Variants in SCARF2 observed in about 807,000 individuals in gnomAD.
SCARF2 encodes scavenger receptor class F member 2.
In SCARF2, 39 loss-of-function variants were observed where a neutral mutation model predicts 73.4. The observed-to-expected ratio is 0.53, with a 90% CI of 0.41 to 0.69. The LOEUF (loss-of-function observed/expected upper bound fraction) is 0.69. SCARF2 is among the 30% of genes least tolerant of loss of function. SCARF2 has a pLI of 0.00. For missense variants in SCARF2, 1,148 were observed against 1,303.5 expected (o/e 0.88, Z 1.84); for synonymous variants, 605 against 590.0 (o/e 1.03, Z -0.37).
At chr22:20,426,321 A>G in intron 10 of SCARF2, 39 bp from the exon 11 acceptor site, 1 of 1,529,760 alleles carries the variant, frequency 6.5e-7, no homozygotes, top group East Asian at 2.5e-5. Flanking sequence ...GCCTTCAGGA[A>G]TACCTTTAGG....
chr22:20,426,652 T>C (rs750036453), intron 10 of SCARF2, among the ~76,000 whole-genome samples: 18 of 152,228 alleles, frequency 1.2e-4, no homozygotes, highest in Non-Finnish European at 2.4e-4. Context: ...AGAAGGCTTC[T>C]AGCTGGGCGT....
At chr22:20,432,035 C>T (rs1298612804) in intron 1 of SCARF2, 47 bp from the exon 2 acceptor site, 1 of 1,571,668 alleles carries the variant, frequency 6.4e-7, no homozygotes, top group Non-Finnish European at 8.6e-7. Context: ...CTCCCCCAGC[C>T]CCCATCTGCT....
intron 6 of SCARF2, among the ~76,000 whole-genome samples, chr22:20,430,100 G>A (rs2052625632): frequency 6.6e-6 from 1 of 152,204 alleles, no homozygotes; most frequent in Non-Finnish European, 1.5e-5. Context: ...CCACTGCTGG[G>A]GCTGACTCGG....
chr22:20,427,654 C>T, intron 9 of SCARF2, 104 bp from the exon 10 acceptor site: 1 of 1,391,276 alleles, frequency 7.2e-7, no homozygotes, highest in Non-Finnish European at 9.9e-7. Context: ...CAAGACCAGC[C>T]CTATTCTTGG....
Position 20,437,572 on chromosome 22 carries a change from C to T in SCARF2, c.173+10G>A, listed in dbSNP as rs374889002. Reference sequence around the variant, plus strand: ...CTCTCGCCCCCTCCCCCAGCCAGGCCGGCTCCTACCCGGGAGCACGGCACA... The same window carrying T: ...CTCTCGCCCCCTCCCCCAGCCAGGCTGGCTCCTACCCGGGAGCACGGCACA... On this transcript the variant is annotated intron_variant, in intron 1 of 10. Transcript: ENST00000622235. 9 of 1,571,244 alleles carry T rather than the reference C, an allele frequency of 5.7e-6. No individual in the cohort carries two copies. The highest frequency in any genetic ancestry group is 7.7e-6 in the Non-Finnish European group (9 of 1,166,456).
At chr22:20,436,818 G>A (rs1277643791) in intron 1 of SCARF2, among the ~76,000 whole-genome samples, 1 of 152,110 alleles carries the variant, frequency 6.6e-6, no homozygotes, top group Non-Finnish European at 1.5e-5. Flanking sequence ...GGCGTCCGGG[G>A]CTCACCTCTC....
chr22:20,433,152 G>A (rs2052665695), intron 1 of SCARF2, among the ~76,000 whole-genome samples: 1 of 152,206 alleles, frequency 6.6e-6, no homozygotes, highest in Admixed American at 6.5e-5. Context: ...AGGTTTGGAG[G>A]CCCTGCCTGA....
At chr22:20,430,956 C>T (rs948675827) in intron 4 of SCARF2, 48 bp from the exon 5 acceptor site, 4 of 1,564,664 alleles carry the variant, frequency 2.6e-6, no homozygotes, top group Non-Finnish European at 2.6e-6. Context: ...CGCCTCACCC[C>T]TGTCCCCATC....
Position 20,425,431 on chromosome 22 carries a change from T to C in SCARF2, c.2545A>G (p.Lys849Glu). The change falls in exon 11 of 11, where the codon AAG (lysine) becomes GAG (glutamate). Residue 849 changes from lysine to glutamate, a missense_variant. By Grantham distance (56) the Lys-to-Glu change is moderately conservative. Around this residue, in one of 5 missense-constraint regions of SCARF2, gnomAD observed 169 missense variants for 136.9 expected, o/e 1.23. Coordinates refer to ENST00000622235, the MANE Select transcript of SCARF2 (RefSeq NM_182895.5). This position sits in a 1 kb window ranked among gnomAD's most constrained non-coding sequence, Gnocchi z 4.6. ...KKTPIQKPPR[K>E]KSREAAGELG... ...TCGCCCGCCGCCTCCCGGCTCTTCT[T>C]GCGCGGCGGCTTCTGGATGGGGGTC... 7.0e-7 allele frequency: 1 copy of C among 1,429,302 alleles called. No individual in the cohort carries two copies. The highest frequency in any genetic ancestry group is 9.2e-7 in the Non-Finnish European group (1 of 1,089,406). 88.5% of individuals were successfully genotyped at this position (1,429,302 alleles called of 1,614,324 possible). A position where few individuals can be genotyped will look rare whatever the true frequency, so the allele number is the denominator to read the frequency against.
chr22:20,425,694 C>T lies in SCARF2; in HGVS notation c.2282G>A (p.Arg761Gln). 1 of 1,232,518 alleles carries T rather than the reference C, an allele frequency of 8.1e-7. No individual in the cohort carries two copies. The highest frequency in any genetic ancestry group is 1.0e-6 in the Non-Finnish European group (1 of 989,868). 76.3% of individuals were successfully genotyped at this position (1,232,518 alleles called of 1,614,324 possible). A position where few individuals can be genotyped will look rare whatever the true frequency, so the allele number is the denominator to read the frequency against. The change falls in exon 11 of 11, where the codon CGA (arginine) becomes CAA (glutamine). Residue 761 changes from arginine (R) to glutamine (Q), a missense_variant. Physicochemically the swap from Arg to Gln is conservative, Grantham distance 43. Coordinates refer to ENST00000622235, the MANE Select transcript of SCARF2 (RefSeq NM_182895.5). The surrounding 1 kb of genome is among the most constrained non-coding windows in gnomAD (Gnocchi z 4.6). ...LEPTDAGGPPRSAPEAASMLA... is the reference protein window; with the variant it reads ...LEPTDAGGPPQSAPEAASMLA... Reference sequence around the variant, plus strand: ...CATGGAGGCAGCCTCGGGCGCGCTTCGCGGGGGACCGCCGGCGTCCGTGGG... The same window carrying T: ...CATGGAGGCAGCCTCGGGCGCGCTTTGCGGGGGACCGCCGGCGTCCGTGGG...
At chr22:20,436,475 G>A (rs921068729) in intron 1 of SCARF2, among the ~76,000 whole-genome samples, 2 of 152,038 alleles carry the variant, frequency 1.3e-5, no homozygotes, top group African/African-American at 4.8e-5. Context: ...GGCGGGCCAG[G>A]CCGGCCCCCG....
chr22:20,436,225 T>G (rs1179546547), intron 1 of SCARF2, among the ~76,000 whole-genome samples: 1 of 151,816 alleles, frequency 6.6e-6, no homozygotes, highest in Non-Finnish European at 1.5e-5. Context: ...TCCTGGGAGG[T>G]CTGCAGACCA....
Position 20,425,567 on chromosome 22 carries a change from G to T in SCARF2, c.2409C>A (p.Ala803=). ...PREKPAPPQK[A]KRSVPPASPA... is the part of the protein sequence containing the mutation. ...GCGAGGCTGGCGGCACGGAGCGCTT[G>T]GCTTTCTGTGGGGGCGCCGGCTTTT... The change falls in exon 11 of 11, where the codon GCC becomes GCA. Residue 803 remains alanine, a synonymous_variant. Transcript: ENST00000622235. The surrounding 1 kb of genome is among the most constrained non-coding windows in gnomAD (Gnocchi z 4.6). The T allele has an allele frequency of 7.4e-7, 1 of 1,342,376 alleles. No individual in the cohort carries two copies. The highest frequency in any genetic ancestry group is 9.5e-7 in the Non-Finnish European group (1 of 1,051,262). The allele number at this position is 1,342,376 out of a possible 1,614,324, so 83.2% of individuals were successfully genotyped here.
In SCARF2 at chr22:20,434,758, T is replaced by G. The variant is rs371342812; in HGVS notation, c.174-2770A>C. Among the ~76,000 whole-genome samples, 5 of 152,306 alleles carry G rather than the reference T, an allele frequency of 3.3e-5. No individual in the cohort carries two copies. The East Asian group carries it at 9.7e-4, about 29-fold the overall frequency. On this transcript the variant is annotated intron_variant, in intron 1 of 10. Transcript: ENST00000622235. The stretch of plus-strand genomic sequence containing the variant: ...AGGCTTCTCCCTCGTAGAGCATTAG[T>G]TCTGTGATTCAAACCCACTGTGAGT...
chr22:20,435,346 T>C (rs1231040232), intron 1 of SCARF2, among the ~76,000 whole-genome samples: 2 of 152,118 alleles, frequency 1.3e-5, no homozygotes, highest in African/African-American at 4.8e-5. Flanking sequence ...CCACCCTCCA[T>C]CTCCCTGGCT....
intron 1 of SCARF2, among the ~76,000 whole-genome samples, chr22:20,435,145 C>T (rs2052686643): frequency 6.7e-6 from 1 of 149,746 alleles, no homozygotes. Flanking sequence ...CTCCTTGCAC[C>T]CTGAGTCTTC....
chr22:20,434,373 GA>G (rs2052677359), intron 1 of SCARF2, among the ~76,000 whole-genome samples: 1 of 152,198 alleles, frequency 6.6e-6, no homozygotes, highest in African/African-American at 2.4e-5. Flanking sequence ...CAAGACCTAT[GA>G]AGTGGTTTGG....
rs1167824166 is a variant in SCARF2, at chr22:20,431,173, C to T, written c.699G>A (p.Glu233=). Residue 233 remains glutamate, a synonymous_variant, in exon 4 of 11, where the codon GAG becomes GAA. Transcript: ENST00000622235. ...GATCGCAGCGCGCGCCGAACGTACG[C>T]TCGCGGCACTGACAGCGGCCGCTCT... ...EQQSGRCQCR[E]RTFGARCDRY... 4 of 1,565,800 alleles carry T rather than the reference C, an allele frequency of 2.6e-6. No homozygotes were observed. The African/African-American group carries it at 5.4e-5, about 21-fold the overall frequency.
intron 1 of SCARF2, among the ~76,000 whole-genome samples, chr22:20,436,591 C>T (rs1480329603): frequency 1.3e-5 from 2 of 152,078 alleles, no homozygotes; most frequent in Non-Finnish European, 2.9e-5. Context: ...GCGCCGAGCC[C>T]CTGGACTCGG....
Sources: allele counts gnomAD v4.1 joint callset (sites outside exome capture counted in the v4.1 genomes callset), GRCh38; gene constraint gnomAD v4.1.1; regional missense constraint gnomAD v4.1.1; non-coding constraint Gnocchi (gnomAD v3.1); transcripts MANE v1.5; gene names NCBI Gene and HGNC (gene_info 2026-07-23, HGNC 2026-07-21).